Variants in KCNMA1 observed in about 807,000 individuals in gnomAD.
KCNMA1 encodes the protein potassium calcium-activated channel subfamily M alpha 1, also known as Calcium-activated potassium channel subunit alpha-1.
In KCNMA1, 29 loss-of-function variants were observed where a neutral mutation model predicts 140.0. That is an observed-to-expected ratio of 0.21 (90% CI 0.15 to 0.28). The LOEUF is 0.28. Among genes scored for constraint, KCNMA1 ranks in the 10% least tolerant of loss-of-function variants. KCNMA1 has a pLI of 1.00. For synonymous variants in KCNMA1, 612 were observed against 611.9 expected, an observed-to-expected ratio of 1.00 and a Z score of 0.00; for missense variants, 880 against 1,602.2, an observed-to-expected ratio of 0.55 and a Z score of 7.70.
chr10:77,460,230 T>A (rs933678188), intron 1 of KCNMA1, among the ~76,000 whole-genome samples: 1 of 152,182 alleles, frequency 6.6e-6, no homozygotes, highest in Non-Finnish European at 1.5e-5. Context: ...TCTGCTGCGC[T>A]CTCCCACCTC....
chr10:77,311,377 T>C (rs932920334), intron 2 of KCNMA1, among the ~76,000 whole-genome samples: 1 of 152,058 alleles, frequency 6.6e-6, no homozygotes, highest in African/African-American at 2.4e-5. Flanking sequence ...CTTGTTTCCA[T>C]GGCAACAGAT....
At chr10:77,215,053 A>G (rs190142789) in intron 3 of KCNMA1, among the ~76,000 whole-genome samples, 29 of 152,186 alleles carry the variant, frequency 1.9e-4, no homozygotes, top group Non-Finnish European at 3.1e-4. Context: ...GGTGTCACAG[A>G]CTTCTTAAAC....
At chr10:77,560,889 T>G (rs1165668512) in intron 1 of KCNMA1, among the ~76,000 whole-genome samples, 1 of 152,210 alleles carries the variant, frequency 6.6e-6, no homozygotes, top group African/African-American at 2.4e-5. Context: ...AAGCTGAGGC[T>G]CCAGCAAACA....
At chr10:77,416,269 G>A (rs1449671658) in intron 1 of KCNMA1, among the ~76,000 whole-genome samples, 1 of 152,112 alleles carries the variant, frequency 6.6e-6, no homozygotes, top group Non-Finnish European at 1.5e-5. Flanking sequence ...TGGAGGCATG[G>A]TCTCTCAGGG....
At chr10:77,062,265 A>G (rs1013512155) in intron 14 of KCNMA1, among the ~76,000 whole-genome samples, 1 of 152,216 alleles carries the variant, frequency 6.6e-6, no homozygotes, top group Admixed American at 6.5e-5. Context: ...CAAAGCCCCA[A>G]CACCTCCACT....
intron 11 of KCNMA1, among the ~76,000 whole-genome samples, chr10:77,086,208 T>C (rs996023213): frequency 3.3e-5 from 5 of 152,188 alleles, no homozygotes; most frequent in African/African-American, 1.2e-4. Context: ...ACTTCCTTGA[T>C]GAGTAGCTGA....
chr10:77,282,278 C>G (rs146028723), intron 2 of KCNMA1, among the ~76,000 whole-genome samples: 1 of 152,122 alleles, frequency 6.6e-6, no homozygotes, highest in Admixed American at 6.5e-5. Flanking sequence ...GCTTCCTCTC[C>G]CTAAACACCC....
chr10:76,889,061 A>AAAACAAAC (rs34228557), intron 27 of KCNMA1, among the ~76,000 whole-genome samples: 2 of 151,210 alleles, frequency 1.3e-5, no homozygotes, highest in East Asian at 1.9e-4. Context: ...TCCATCTCAA[A>AAAACAAAC]AAACAAACAA....
At chr10:77,017,179 A>G (rs939780887) in intron 17 of KCNMA1, among the ~76,000 whole-genome samples, 1 of 152,210 alleles carries the variant, frequency 6.6e-6, no homozygotes, top group Non-Finnish European at 1.5e-5. Flanking sequence ...GACATTCATT[A>G]GTGAGAGATG....
intron 2 of KCNMA1, among the ~76,000 whole-genome samples, chr10:77,329,034 G>A (rs573299539): frequency 2.0e-5 from 3 of 152,018 alleles, no homozygotes; most frequent in African/African-American, 7.2e-5. Flanking sequence ...TATGGACAGG[G>A]TTTCACCATG....
intron 1 of KCNMA1, among the ~76,000 whole-genome samples, chr10:77,577,873 G>T (rs2074699048): frequency 1.3e-5 from 2 of 152,172 alleles, no homozygotes; most frequent in African/African-American, 4.8e-5. Flanking sequence ...GGTGCTTTCT[G>T]TGCCCACATT....
intron 19 of KCNMA1, among the ~76,000 whole-genome samples, chr10:76,999,079 G>A (rs1319123886): frequency 6.6e-6 from 1 of 152,206 alleles, no homozygotes; most frequent in Non-Finnish European, 1.5e-5. Flanking sequence ...GCTGATTTTG[G>A]AGGCAAGGGA....
intron 1 of KCNMA1, among the ~76,000 whole-genome samples, chr10:77,454,531 C>T (rs1014438809): frequency 6.6e-6 from 1 of 152,168 alleles, no homozygotes. Context: ...TAGCAGTTTT[C>T]ACCAGTTTTG....
At chr10:77,380,897 T>C (rs2095359952) in intron 2 of KCNMA1, among the ~76,000 whole-genome samples, 1 of 152,208 alleles carries the variant, frequency 6.6e-6, no homozygotes. Flanking sequence ...GACTTTTCCA[T>C]TTCCAAAGAG....
chr10:77,155,183 A>T (rs1448251540), intron 5 of KCNMA1, among the ~76,000 whole-genome samples: 2 of 152,178 alleles, frequency 1.3e-5, no homozygotes, highest in Non-Finnish European at 2.9e-5. Flanking sequence ...ACAAAAGCAG[A>T]TTGAAAAAGG....
chr10:76,884,789 G>A (rs2036122082), downstream of KCNMA1: 1 of 682,718 alleles, frequency 1.5e-6, no homozygotes. Flanking sequence ...AAAAGGAGAG[G>A]GAAAGGGGAG....
chr10:77,494,193 CG>C (rs1739155378), intron 1 of KCNMA1, among the ~76,000 whole-genome samples: 3 of 152,244 alleles, frequency 2.0e-5, no homozygotes, highest in Non-Finnish European at 4.4e-5. Flanking sequence ...AAACTCACCA[CG>C]TTGCCTTTGA....
intron 2 of KCNMA1, among the ~76,000 whole-genome samples, chr10:77,280,459 A>G (rs2068100678): frequency 6.6e-6 from 1 of 152,142 alleles, no homozygotes. Context: ...CTCTGTTTCC[A>G]CATTCATTTA....
chr10:77,617,680 GC>G (rs2090057674), intron 1 of KCNMA1, among the ~76,000 whole-genome samples: 1 of 152,150 alleles, frequency 6.6e-6, no homozygotes, highest in East Asian at 1.9e-4. Flanking sequence ...GCCATTGCAA[GC>G]CCCAGTTTTT....
Sources: gnomAD v4.1 joint callset for allele counts (sites outside exome capture counted in the v4.1 genomes callset) on GRCh38, gnomAD v4.1.1 for gene constraint, MANE v1.5 for transcripts, NCBI Gene and HGNC (gene_info 2026-07-23, HGNC 2026-07-21) for gene names.